Variants in OXR1 observed in about 807,000 individuals in gnomAD.
OXR1 encodes the protein oxidation resistance protein 1.
OXR1 carries 41 observed loss-of-function variants against 104.6 expected under a neutral mutation model. The ratio of observed to expected loss-of-function variants is 0.39; its 90% CI spans 0.31 to 0.51. The LOEUF (loss-of-function observed/expected upper bound fraction) is 0.51, where lower values mean the gene tolerates loss of function less well. Among genes scored for constraint, OXR1 ranks in the 20% least tolerant of loss-of-function variants. OXR1 has a pLI of 0.77. For synonymous variants in OXR1, 348 were observed against 348.4 expected (o/e 1.00, Z 0.01); for missense variants, 955 against 1,031.9 (o/e 0.93, Z 1.02).
At position 106,576,610 on chromosome 8, in the gene OXR1, G is replaced by A. The variant is rs188879413; in HGVS notation, c.220+57471G>A. Reference sequence around the variant, plus strand: ...ATGTAACATGTAAAGGTAAACAACAGAAATTCAAAACTCATAGTTAGGGGT... The same window carrying A: ...ATGTAACATGTAAAGGTAAACAACAAAAATTCAAAACTCATAGTTAGGGGT... On this transcript the variant is annotated intron_variant, in intron 3 of 16. Coordinates refer to ENST00000517566, the MANE Select transcript of OXR1 (RefSeq NM_001198533.2). Among the ~76,000 whole-genome samples, 69 of 152,048 alleles carry A rather than the reference G, an allele frequency of 4.5e-4. 3 individuals are homozygous for A. In the East Asian group the frequency reaches 0.012, roughly 27 times the overall value.
chr8:106,491,132 G>A (rs1025411003), intron 2 of OXR1, among the ~76,000 whole-genome samples: 1 of 152,140 alleles, frequency 6.6e-6, no homozygotes, highest in African/African-American at 2.4e-5. Context: ...CTACTGACTT[G>A]CAATGTGATA....
intron 2 of OXR1, among the ~76,000 whole-genome samples, chr8:106,461,425 G>A (rs1431013281): frequency 6.6e-6 from 1 of 152,006 alleles, no homozygotes; most frequent in Non-Finnish European, 1.5e-5. Context: ...ACAAAAATTA[G>A]CCAGGCATGG....
intron 3 of OXR1, among the ~76,000 whole-genome samples, chr8:106,604,008 GTGCC>G (rs1820172762): frequency 6.6e-6 from 1 of 152,100 alleles, no homozygotes; most frequent in Non-Finnish European, 1.5e-5. Context: ...AGCCGAGATA[GTGCC>G]ACTGCACTCC....
Position 106,531,750 on chromosome 8 carries a change from A to C in OXR1, c.220+12611A>C, listed in dbSNP as rs186720787. Among the ~76,000 whole-genome samples, 344 of 152,280 alleles carry C rather than the reference A, an allele frequency of 2.3e-3. 3 individuals carry two copies. The highest frequency in any genetic ancestry group is 4.0e-3 in the Non-Finnish European group (275 of 68,020). ...AGCACAATAATATTTACTCTAAGTA[A>C]AGAAAAAAGGTACGTGGTGTGCTGT... On this transcript the variant is annotated intron_variant, in intron 3 of 16. Coordinates refer to ENST00000517566, the MANE Select transcript of OXR1 (RefSeq NM_001198533.2).
chr8:106,307,997 GAC>G (rs144471966), intron 1 of OXR1, among the ~76,000 whole-genome samples: 10 of 150,234 alleles, frequency 6.7e-5, no homozygotes, highest in East Asian at 1.9e-4. Flanking sequence ...GAACCAAAAG[GAC>G]ACACACACAC....
At chr8:106,685,442 A>G (rs190598252) in intron 6 of OXR1, among the ~76,000 whole-genome samples, 80 of 152,278 alleles carry the variant, frequency 5.3e-4, no homozygotes, top group African/African-American at 1.6e-3. Context: ...CTGCCTGTCT[A>G]CTGGCTTTCT....
chr8:106,677,761 G>A (rs960347170), intron 3 of OXR1, among the ~76,000 whole-genome samples: 31 of 150,008 alleles, frequency 2.1e-4, no homozygotes, highest in African/African-American at 5.6e-4. Context: ...ATGCGCACGC[G>A]TGTGTGTGTG....
intron 2 of OXR1, among the ~76,000 whole-genome samples, chr8:106,421,744 C>T (rs1333855125): frequency 2.0e-5 from 3 of 152,158 alleles, no homozygotes; most frequent in South Asian, 2.1e-4. Flanking sequence ...ATCAAATTTG[C>T]TTCTATCCAT....
intron 3 of OXR1, among the ~76,000 whole-genome samples, chr8:106,607,545 A>T (rs1296216248): frequency 6.6e-6 from 1 of 152,144 alleles, no homozygotes; most frequent in East Asian, 1.9e-4. Flanking sequence ...GCCTTCCTTC[A>T]CTGATTTGTG....
At chr8:106,339,651 C>T (rs2130261339) in intron 1 of OXR1, among the ~76,000 whole-genome samples, 1 of 149,840 alleles carries the variant, frequency 6.7e-6, no homozygotes, top group African/African-American at 2.4e-5. Context: ...GTCATACTGG[C>T]TCTTTAGCTG....
At chr8:106,562,599 C>T (rs1816762946) in intron 3 of OXR1, among the ~76,000 whole-genome samples, 1 of 152,078 alleles carries the variant, frequency 6.6e-6, no homozygotes, top group Non-Finnish European at 1.5e-5. Flanking sequence ...GGCCAATATT[C>T]AAATTCAGGA....
At chr8:106,327,752 T>C (rs1814532597) in intron 1 of OXR1, among the ~76,000 whole-genome samples, 1 of 152,218 alleles carries the variant, frequency 6.6e-6, no homozygotes, top group Non-Finnish European at 1.5e-5. Context: ...TCTCTAATAT[T>C]TGGTTACTCA....
chr8:106,659,928 C>A (rs1310696738), intron 3 of OXR1, among the ~76,000 whole-genome samples: 1 of 152,162 alleles, frequency 6.6e-6, no homozygotes, highest in Non-Finnish European at 1.5e-5. Flanking sequence ...CTTATGTATT[C>A]ATTGCATATT....
At position 106,582,224 on chromosome 8, in the gene OXR1, A is replaced by G. The variant is rs535103825; in HGVS notation, c.220+63085A>G. Among the ~76,000 whole-genome samples the G allele has an allele frequency of 3.5e-3, 509 of 147,120 alleles. 1 individual carries two copies. Among genetic ancestry groups the G allele is most frequent in the Non-Finnish European group, 5.5e-3 (367 of 67,116 alleles). ...TATATGAAGGAACATATATATATAT[A>G]TGAAGGTAAATACTGATCAAAATTC... is the stretch of plus-strand genomic sequence containing the variant. On this transcript the variant is annotated intron_variant, in intron 3 of 16. Transcript: ENST00000517566.
At chr8:106,577,218 G>T (rs1410526895) in intron 3 of OXR1, among the ~76,000 whole-genome samples, 4 of 143,492 alleles carry the variant, frequency 2.8e-5, no homozygotes, top group African/African-American at 7.7e-5. Context: ...TTTGTTTTTT[G>T]TTTTTTTTTT....
intron 3 of OXR1, among the ~76,000 whole-genome samples, chr8:106,524,514 C>A (rs1813507085): frequency 6.6e-6 from 1 of 152,148 alleles, no homozygotes; most frequent in African/African-American, 2.4e-5. Context: ...GGAAATAGGA[C>A]CACTCTTGAA....
chr8:106,583,103 T>G (rs1818374348), intron 3 of OXR1, among the ~76,000 whole-genome samples: 1 of 152,196 alleles, frequency 6.6e-6, no homozygotes. Context: ...AATATATAAC[T>G]TTCATAAACA....
chr8:106,742,467 C>T, intron 15 of OXR1, 150 bp downstream of exon 15: 1 of 527,158 alleles, frequency 1.9e-6, no homozygotes. Context: ...CATGTGGAAC[C>T]CAAAAAGAGC....
chr8:106,447,954 A>T, intron 2 of OXR1: 1 of 1,535,190 alleles, frequency 6.5e-7, no homozygotes, highest in Non-Finnish European at 8.7e-7. Context: ...GCTCACAGGT[A>T]ACAGAACTCT....
Sources: gnomAD v4.1 joint callset for allele counts (sites outside exome capture counted in the v4.1 genomes callset) on GRCh38, gnomAD v4.1.1 for gene constraint, MANE v1.5 for transcripts, NCBI Gene and HGNC (gene_info 2026-07-23, HGNC 2026-07-21) for gene names.